BLTP3A: variants seen among roughly 807,000 people sequenced by gnomAD.
The protein encoded by BLTP3A is bridge-like lipid transfer protein family member 3A.
the BLTP3A span, chr6:34,859,295 T>G: frequency 1.2e-6 from 2 of 1,613,716 alleles, no homozygotes; most frequent in Non-Finnish European, 1.7e-6. Flanking sequence ...GCCAAGAAAC[T>G]GAGCAGAACC....
At chr6:34,829,195 C>T in the BLTP3A span, among the ~76,000 whole-genome samples, 1 of 152,100 alleles carries the variant, frequency 6.6e-6, no homozygotes, top group Non-Finnish European at 1.5e-5. Context: ...ACCATGACCA[C>T]AATCAATTTT....
At chr6:34,857,110 A>G in the BLTP3A span, among the ~76,000 whole-genome samples, 2 of 152,310 alleles carry the variant, frequency 1.3e-5, no homozygotes, top group East Asian at 3.9e-4. Flanking sequence ...GAATTCCCCC[A>G]GTTTTACTGT....
chr6:34,834,982 G>C, the BLTP3A span: 1 of 1,274,392 alleles, frequency 7.8e-7, no homozygotes, highest in East Asian at 2.4e-5. Flanking sequence ...GAAGGGGGAA[G>C]GCCTGTAAAT....
At chr6:34,806,851 G>T in the BLTP3A span, among the ~76,000 whole-genome samples, 3 of 152,102 alleles carry the variant, frequency 2.0e-5, 1 homozygote, top group Non-Finnish European at 1.5e-5. Context: ...GCAGAGACAG[G>T]GTTTCACCTT....
At chr6:34,849,658 C>T in the BLTP3A span, among the ~76,000 whole-genome samples, 1 of 152,028 alleles carries the variant, frequency 6.6e-6, no homozygotes, top group Non-Finnish European at 1.5e-5. Context: ...TTATTATTTC[C>T]AGTGAGTTTT....
the BLTP3A span, chr6:34,836,083 C>T: frequency 6.5e-7 from 1 of 1,532,452 alleles, no homozygotes; most frequent in Non-Finnish European, 8.8e-7. Flanking sequence ...CAGGCTGGAC[C>T]AAAGCTTAAA....
At chr6:34,857,887 G>T in the BLTP3A span, 1 of 1,613,864 alleles carries the variant, frequency 6.2e-7, no homozygotes, top group Non-Finnish European at 8.5e-7. Flanking sequence ...ATGAACACTT[G>T]GACATCCGAC....
At chr6:34,871,722 C>A in the BLTP3A span, 1 of 1,613,782 alleles carries the variant, frequency 6.2e-7, no homozygotes, top group Non-Finnish European at 8.5e-7. Flanking sequence ...CTGTTGGTTT[C>A]TCTGCCTTTT....
chr6:34,821,931 G>A, the BLTP3A span: 1 of 1,614,230 alleles, frequency 6.2e-7, no homozygotes. Context: ...AGTGGACAAA[G>A]TTGAAGACAC....
the BLTP3A span, chr6:34,857,611 TGCCC>T: frequency 6.9e-7 from 1 of 1,448,050 alleles, no homozygotes; most frequent in Admixed American, 2.1e-5. Context: ...TTAAACACTC[TGCCC>T]TGTATAAATG....
At chr6:34,811,685 C>A in the BLTP3A span, among the ~76,000 whole-genome samples, 1 of 82,672 alleles carries the variant, frequency 1.2e-5, no homozygotes, top group Non-Finnish European at 2.4e-5. Flanking sequence ...CCCCCCCCCC[C>A]GCATCTCTAC....
chr6:34,801,850 G>C, the BLTP3A span, among the ~76,000 whole-genome samples: 3 of 152,120 alleles, frequency 2.0e-5, no homozygotes. Flanking sequence ...CCATTCTCCT[G>C]CCTCAGTCTC....
the BLTP3A span, chr6:34,835,404 G>C: frequency 1.2e-6 from 2 of 1,614,168 alleles, no homozygotes; most frequent in Non-Finnish European, 1.7e-6. Context: ...CAGAGTCACT[G>C]AGTGAAGCCA....
chr6:34,854,182 A>G, the BLTP3A span, among the ~76,000 whole-genome samples: 6 of 152,152 alleles, frequency 3.9e-5, no homozygotes, highest in Non-Finnish European at 8.8e-5. Context: ...AGTTAGTGCC[A>G]CCGCACTCCA....
the BLTP3A span, among the ~76,000 whole-genome samples, chr6:34,807,435 A>G: frequency 6.6e-6 from 1 of 152,226 alleles, no homozygotes; most frequent in African/African-American, 2.4e-5. Flanking sequence ...CTTCTAGGAA[A>G]GAAGACTGGC....
At chr6:34,859,645 T>A in the BLTP3A span, 3 of 1,564,430 alleles carry the variant, frequency 1.9e-6, no homozygotes, top group Non-Finnish European at 2.6e-6. Context: ...TAAGGCCTCT[T>A]ACTATGTGCA....
chr6:34,834,617 G>T, the BLTP3A span: 1 of 1,442,002 alleles, frequency 6.9e-7, no homozygotes, highest in Non-Finnish European at 9.4e-7. Flanking sequence ...TCCCAACTGA[G>T]AGTGCTGGGA....
chr6:34,820,980 G>A, the BLTP3A span, among the ~76,000 whole-genome samples: 1 of 142,636 alleles, frequency 7.0e-6, no homozygotes, highest in Admixed American at 7.2e-5. Context: ...TTTTGAGATG[G>A]AGTTTTGCTC....
the BLTP3A span, among the ~76,000 whole-genome samples, chr6:34,836,785 T>A: frequency 6.6e-6 from 1 of 152,230 alleles, no homozygotes; most frequent in Non-Finnish European, 1.5e-5. Flanking sequence ...TCAGTTTAAA[T>A]ATTTATTGTG....
Sources: gnomAD v4.1 joint callset for allele counts (sites outside exome capture counted in the v4.1 genomes callset) on GRCh38, gnomAD v4.1.1 for gene constraint, MANE v1.5 for transcripts, NCBI Gene and HGNC (gene_info 2026-07-23, HGNC 2026-07-21) for gene names.